KLHL6: variants seen among roughly 807,000 people sequenced by gnomAD.
KLHL6 encodes the protein kelch like family member 6, also known as kelch-like protein 6.
A neutral mutation model predicts 58.6 loss-of-function variants in KLHL6; 41 were observed. The observed-to-expected ratio is 0.70, with a 90% CI of 0.55 to 0.91. The LOEUF is 0.91. Ranked by LOEUF, KLHL6 falls within the 40% of genes least tolerant of loss-of-function variation. The pLI is 0.00. For missense variants in KLHL6, 714 were observed against 805.6 expected (o/e 0.89, Z 1.38); for synonymous variants, 338 against 322.7 (o/e 1.05, Z -0.51).
chr3:183,528,586 C>T (rs1712056601), intron 1 of KLHL6, among the ~76,000 whole-genome samples: 1 of 152,214 alleles, frequency 6.6e-6, no homozygotes, highest in Non-Finnish European at 1.5e-5. Flanking sequence ...CCTGCTCCCT[C>T]CCCACGGCTG....
intron 2 of KLHL6, chr3:183,521,204 G>A (rs12495530): frequency 0.45 from 67,972 of 152,584 alleles, 17,353 homozygotes; most frequent in Non-Finnish European, 0.58. Flanking sequence ...ATGTTTCTGC[G>A]GGCACAGGAT....
chr3:183,541,961 T>C (rs1432941591), intron 1 of KLHL6, among the ~76,000 whole-genome samples: 1 of 151,952 alleles, frequency 6.6e-6, no homozygotes, highest in East Asian at 1.9e-4. Context: ...CAGCAAAGAG[T>C]GGAGTCAGTT....
chr3:183,546,865 C>G (rs1054913535), intron 1 of KLHL6, among the ~76,000 whole-genome samples: 2 of 151,358 alleles, frequency 1.3e-5, no homozygotes, highest in African/African-American at 4.9e-5. Flanking sequence ...AAGATTTACA[C>G]AGCCAACAAG....
intron 2 of KLHL6, among the ~76,000 whole-genome samples, chr3:183,508,745 C>T (rs528812402): frequency 7.2e-5 from 11 of 152,082 alleles, no homozygotes; most frequent in Middle Eastern, 3.4e-3. Flanking sequence ...GAGATACTTA[C>T]GGGAGGAGCT....
At chr3:183,494,349 C>G (rs2108663541) in intron 4 of KLHL6, 68 bp from the exon 5 acceptor site, 1 of 1,358,708 alleles carries the variant, frequency 7.4e-7, no homozygotes, top group East Asian at 2.3e-5. Context: ...CCCATAATAT[C>G]CCACATGTCC....
chr3:183,492,477 A>G lies in KLHL6; in HGVS notation c.1564+17T>C, dbSNP rs80147954. 8.2e-3 allele frequency: 13,288 copies of G among 1,613,356 alleles called. 915 individuals are homozygous for G. In the African/African-American group the frequency reaches 0.15, roughly 18 times the overall value. Reference sequence around the variant, plus strand: ...CAGGTTCTAAGCCATTCAGACCAATAAGAAGCCATTACTCACCAACGACAT... The same window carrying G: ...CAGGTTCTAAGCCATTCAGACCAATGAGAAGCCATTACTCACCAACGACAT... On this transcript the variant is annotated intron_variant, in intron 6 of 6. Coordinates refer to ENST00000341319, the MANE Select transcript of KLHL6 (RefSeq NM_130446.4). This position sits in a 1 kb window ranked among gnomAD's most constrained non-coding sequence, Gnocchi z 5.9.
intron 4 of KLHL6, among the ~76,000 whole-genome samples, chr3:183,495,611 G>C (rs1024915404): frequency 2.7e-5 from 4 of 150,590 alleles, no homozygotes; most frequent in South Asian, 2.1e-4. Context: ...AGCATATTGT[G>C]TGCATAAATC....
intron 1 of KLHL6, among the ~76,000 whole-genome samples, chr3:183,552,717 C>CAAA (rs1169148282): frequency 1.4e-3 from 66 of 47,510 alleles, no homozygotes; most frequent in African/African-American, 2.2e-3. Flanking sequence ...GACTCCGTCT[C>CAAA]AAAAAAAAAA....
chr3:183,496,733 A>T (rs1717722299), intron 4 of KLHL6, among the ~76,000 whole-genome samples: 1 of 152,256 alleles, frequency 6.6e-6, no homozygotes. Context: ...TCATGTCCAG[A>T]TGATATTGTT....
chr3:183,544,596 C>T (rs1424284130), intron 1 of KLHL6: 2 of 152,102 alleles, frequency 1.3e-5, no homozygotes, highest in African/African-American at 4.8e-5. Context: ...CTTTAGCGGA[C>T]TTTATTTTTC....
At chr3:183,540,834 C>T (rs139031597) in intron 1 of KLHL6, among the ~76,000 whole-genome samples, 2 of 152,180 alleles carry the variant, frequency 1.3e-5, no homozygotes, top group Non-Finnish European at 2.9e-5. Flanking sequence ...ACCTGGCTTC[C>T]CCTAACAAAA....
At chr3:183,547,881 A>C (rs1712776306) in intron 1 of KLHL6, among the ~76,000 whole-genome samples, 1 of 152,208 alleles carries the variant, frequency 6.6e-6, no homozygotes, top group South Asian at 2.1e-4. Context: ...AAATGTGGCT[A>C]ACAGGTCATT....
At chr3:183,504,279 A>G (rs1329192830) in intron 3 of KLHL6, among the ~76,000 whole-genome samples, 1 of 152,186 alleles carries the variant, frequency 6.6e-6, no homozygotes, top group Non-Finnish European at 1.5e-5. Context: ...ATCAGTTGGT[A>G]GGTATTATTA....
intron 1 of KLHL6, among the ~76,000 whole-genome samples, chr3:183,539,990 A>G (rs1258485962): frequency 1.3e-5 from 2 of 152,218 alleles, no homozygotes; most frequent in Non-Finnish European, 2.9e-5. Flanking sequence ...GGCTTTAGTG[A>G]CGATACAGTC....
chr3:183,528,878 C>T (rs1434673395), intron 1 of KLHL6, among the ~76,000 whole-genome samples: 1 of 152,094 alleles, frequency 6.6e-6, no homozygotes, highest in African/African-American at 2.4e-5. Flanking sequence ...TTCGCAATAG[C>T]AAAGACATAG....
chr3:183,507,968 T>C, intron 3 of KLHL6, 91 bp downstream of exon 3: 1 of 1,178,208 alleles, frequency 8.5e-7, no homozygotes, highest in East Asian at 2.5e-5. Flanking sequence ...GCCCTAAGGA[T>C]TTTTGAATCC....
At chr3:183,550,886 C>T (rs1207386815) in intron 1 of KLHL6, among the ~76,000 whole-genome samples, 2 of 151,584 alleles carry the variant, frequency 1.3e-5, no homozygotes, top group Non-Finnish European at 2.9e-5. Flanking sequence ...TTTGGGAGGC[C>T]AAGGTGGGTG....
At chr3:183,535,869 G>C (rs147495670) in intron 1 of KLHL6, among the ~76,000 whole-genome samples, 1 of 152,126 alleles carries the variant, frequency 6.6e-6, no homozygotes, top group Non-Finnish European at 1.5e-5. Context: ...TCTGCCTCCC[G>C]GGTTCATGCC....
At chr3:183,503,059 A>G (rs1302653387) in intron 3 of KLHL6, among the ~76,000 whole-genome samples, 1 of 152,252 alleles carries the variant, frequency 6.6e-6, no homozygotes, top group Non-Finnish European at 1.5e-5. Flanking sequence ...GAGACGTGCC[A>G]CTTTGTTGCA....
Sources: allele counts gnomAD v4.1 joint callset (sites outside exome capture counted in the v4.1 genomes callset), GRCh38; gene constraint gnomAD v4.1.1; non-coding constraint Gnocchi (gnomAD v3.1); transcripts MANE v1.5; gene names NCBI Gene and HGNC (gene_info 2026-07-23, HGNC 2026-07-21).